The following ANK2 variants were observed in gnomAD, a reference collection of about 807,000 sequenced individuals.
The protein encoded by ANK2 is ankyrin-2.
ANK2 carries 83 observed loss-of-function variants against 360.5 expected under a neutral mutation model. The ratio of observed to expected loss-of-function variants is 0.23; its 90% CI spans 0.19 to 0.28. The LOEUF (loss-of-function observed/expected upper bound fraction) is 0.28, where lower values mean the gene tolerates loss of function less well. Among genes scored for constraint, ANK2 ranks in the 10% least tolerant of loss-of-function variants. ANK2 has a pLI of 1.00. For missense variants in ANK2, 4,201 were observed against 4,795.7 expected (o/e 0.88, Z 3.66); for synonymous variants, 1,740 against 1,759.5 (o/e 0.99, Z 0.28).
intron 4 of ANK2, among the ~76,000 whole-genome samples, chr4:113,215,492 C>G (rs747904356): frequency 2.0e-5 from 3 of 152,070 alleles, no homozygotes; most frequent in South Asian, 2.1e-4. Flanking sequence ...CCCAAAATGG[C>G]TAATTCTCCA....
intron 2 of ANK2, among the ~76,000 whole-genome samples, chr4:112,970,739 A>G (rs565240053): frequency 9.8e-5 from 15 of 152,320 alleles, no homozygotes; most frequent in African/African-American, 3.6e-4. Context: ...ACAAAATTTC[A>G]GTTAGACAGA....
chr4:113,201,517 T>C (rs1407211339), intron 4 of ANK2, among the ~76,000 whole-genome samples: 1 of 152,242 alleles, frequency 6.6e-6, no homozygotes, highest in East Asian at 1.9e-4. Context: ...ATCAATAATG[T>C]ACTTATACAT....
chr4:112,910,531 G>C (rs184768223), intron 2 of ANK2, among the ~76,000 whole-genome samples: 1 of 152,312 alleles, frequency 6.6e-6, no homozygotes, highest in African/African-American at 2.4e-5. Flanking sequence ...TCTGTAAAGG[G>C]GGTCTGTGGC....
chr4:113,274,799 AT>A, intron 15 of ANK2, 150 bp downstream of exon 15: 1 of 823,444 alleles, frequency 1.2e-6, no homozygotes, highest in Non-Finnish European at 2.0e-6. Flanking sequence ...TGTCTAAATG[AT>A]TTAATAGAAT....
chr4:112,711,039 C>G, the ANK2 span, among the ~76,000 whole-genome samples: 1 of 151,088 alleles, frequency 6.6e-6, no homozygotes. Context: ...ATCCTTCTGC[C>G]TCAGCCTCCC....
chr4:113,305,110 G>A (rs1425640153), intron 23 of ANK2, among the ~76,000 whole-genome samples: 1 of 151,684 alleles, frequency 6.6e-6, no homozygotes, highest in Non-Finnish European at 1.5e-5. Context: ...GGAGGCCGAG[G>A]CGGGCGGATC....
At chr4:113,219,381 A>G (rs1255807988) in intron 4 of ANK2, among the ~76,000 whole-genome samples, 2 of 151,878 alleles carry the variant, frequency 1.3e-5, no homozygotes, top group East Asian at 1.9e-4. Context: ...TAAATTAATT[A>G]TGCATATAAA....
At chr4:113,169,711 A>G (rs1015211879) in intron 1 of ANK2, among the ~76,000 whole-genome samples, 1 of 152,210 alleles carries the variant, frequency 6.6e-6, no homozygotes, top group African/African-American at 2.4e-5. Flanking sequence ...CTTTTAAAGT[A>G]TATAAAAAAT....
At chr4:113,271,671 T>G (rs184508734) in intron 14 of ANK2, among the ~76,000 whole-genome samples, 138 of 152,338 alleles carry the variant, frequency 9.1e-4, no homozygotes, top group African/African-American at 3.1e-3. Flanking sequence ...ATCTCATGGG[T>G]CTAAGTCATA....
At chr4:112,842,539 A>C (rs1314812814) in intron 1 of ANK2, among the ~76,000 whole-genome samples, 1 of 152,196 alleles carries the variant, frequency 6.6e-6, no homozygotes, top group Non-Finnish European at 1.5e-5. Flanking sequence ...AAATTGTTCC[A>C]CCACAGATCA....
At chr4:112,887,449 G>A (rs2078729563) in intron 1 of ANK2, among the ~76,000 whole-genome samples, 1 of 152,126 alleles carries the variant, frequency 6.6e-6, no homozygotes, top group Non-Finnish European at 1.5e-5. Context: ...TTGACTTATG[G>A]TACTTTCAGT....
chr4:112,900,418 A>G (rs1160786480), intron 1 of ANK2, among the ~76,000 whole-genome samples: 1 of 152,138 alleles, frequency 6.6e-6, no homozygotes, highest in East Asian at 1.9e-4. Flanking sequence ...GCTTTCGGTT[A>G]TGGTGAAGCA....
chr4:112,835,387 GGTTT>G (rs2060780277), intron 1 of ANK2, among the ~76,000 whole-genome samples: 1 of 151,584 alleles, frequency 6.6e-6, no homozygotes, highest in African/African-American at 2.4e-5. Context: ...TGCTCTTTTT[GGTTT>G]GTTTATATTT....
At chr4:113,175,047 G>A (rs1051143456) in intron 2 of ANK2, among the ~76,000 whole-genome samples, 1 of 152,036 alleles carries the variant, frequency 6.6e-6, no homozygotes, top group African/African-American at 2.4e-5. Context: ...ATACACTTTG[G>A]ATATTATTTG....
intron 22 of ANK2, among the ~76,000 whole-genome samples, chr4:113,301,952 T>C (rs942884614): frequency 2.6e-5 from 4 of 152,234 alleles, no homozygotes; most frequent in African/African-American, 9.6e-5. Flanking sequence ...TGCCAACATA[T>C]GCCAAGCACT....
chr4:113,323,717 T>C (rs767770008), intron 26 of ANK2: 1 of 1,582,214 alleles, frequency 6.3e-7, no homozygotes, highest in Non-Finnish European at 8.6e-7. Flanking sequence ...TATTTCACTT[T>C]ATCCGTTCCT....
chr4:112,802,794 C>T, the ANK2 span, among the ~76,000 whole-genome samples: 24 of 152,086 alleles, frequency 1.6e-4, 1 homozygote, highest in Admixed American at 1.6e-3. Flanking sequence ...AAACGATACG[C>T]CTCAAACTAT....
At chr4:113,363,220 A>G (rs763161227) in intron 39 of ANK2, 118 bp from the exon 40 acceptor site, 18 of 990,698 alleles carry the variant, frequency 1.8e-5, no homozygotes, top group Non-Finnish European at 2.6e-5. Flanking sequence ...GTAGAAATTA[A>G]GGAACTCAAA....
chr4:112,795,287 A>G, the ANK2 span, among the ~76,000 whole-genome samples: 1 of 152,132 alleles, frequency 6.6e-6, no homozygotes, highest in African/African-American at 2.4e-5. Flanking sequence ...TGGGATATTC[A>G]TGTTTGGATA....
Sources: allele counts gnomAD v4.1 joint callset (sites outside exome capture counted in the v4.1 genomes callset), GRCh38; gene constraint gnomAD v4.1.1; transcripts MANE v1.5; gene names NCBI Gene and HGNC (gene_info 2026-07-23, HGNC 2026-07-21).